The following INO80 variants were observed in gnomAD, a reference collection of about 807,000 sequenced individuals.
INO80 encodes INO80 complex ATPase subunit.
In INO80, 20 loss-of-function variants were observed where a neutral mutation model predicts 203.4. That is an observed-to-expected ratio of 0.10 (90% confidence interval 0.07 to 0.14). INO80 has a LOEUF of 0.14. Among genes scored for constraint, INO80 ranks in the 10% least tolerant of loss-of-function variants. INO80 has a pLI of 1.00. For missense variants in INO80, 1,419 were observed against 1,914.4 expected, an observed-to-expected ratio of 0.74 and a Z score of 4.83; for synonymous variants, 726 against 685.2, an observed-to-expected ratio of 1.06 and a Z score of -0.93.
chr15:40,992,463 A>T (rs2043828801), intron 29 of INO80, among the ~76,000 whole-genome samples: 1 of 151,956 alleles, frequency 6.6e-6, no homozygotes, highest in African/African-American at 2.4e-5. Context: ...TTATAAATAC[A>T]TTTTTACATA....
At chr15:41,087,132 GA>G (rs552677570) in intron 6 of INO80, among the ~76,000 whole-genome samples, 2,673 of 139,904 alleles carry the variant, frequency 0.019, 34 homozygotes, top group Non-Finnish European at 0.028. Flanking sequence ...AAATATTCAG[GA>G]AAAAAAAAAA....
intron 33 of INO80, 41 bp from the exon 34 acceptor site, chr15:40,983,962 T>G (rs1596231383): frequency 6.3e-7 from 1 of 1,598,814 alleles, no homozygotes; most frequent in Non-Finnish European, 8.6e-7. Context: ...CCCCCTGTGC[T>G]CACCGCCCAT....
chr15:41,049,412 A>G lies in INO80; in HGVS notation c.2451T>C (p.Asn817=). The change falls in exon 21 of 36, where the codon AAT becomes AAC. Residue 817 remains asparagine, a synonymous_variant. Transcript: ENST00000648947. ...CTTGCCGTTCAAATAACTCCGGGTG[A>G]TTACACACCTAAAAGGAAGGGAAAT... ...NLVMQFRKVC[N]HPELFERQET... is the part of the protein sequence containing the mutation. 6.2e-7 allele frequency: 1 copy of G among 1,614,024 alleles called. No homozygotes were observed. The highest frequency in any genetic ancestry group is 8.5e-7 in the Non-Finnish European group (1 of 1,179,904).
At chr15:41,050,370 A>G (rs2044848935) in intron 19 of INO80, among the ~76,000 whole-genome samples, 1 of 152,356 alleles carries the variant, frequency 6.6e-6, no homozygotes, top group East Asian at 1.9e-4. Flanking sequence ...CATCACAGTA[A>G]CATACAAAAG....
chr15:41,095,846 G>T lies in INO80; in HGVS notation c.226C>A (p.Pro76Thr), dbSNP rs377652711. 10 of 1,613,860 alleles carry T rather than the reference G, an allele frequency of 6.2e-6. No homozygotes were observed. The highest frequency in any genetic ancestry group is 8.5e-6 in the Non-Finnish European group (10 of 1,179,898). ...GTTTCACCAAGCAATGAATTTGGAG[G>T]TTCTTCCTTAACTTGTATTAAGGGA... ...GDPLIQVKEE[P>T]PNSLLGETSG... Residue 76 changes from proline to threonine, a missense_variant, in exon 3 of 36, where the codon CCT (proline) becomes ACT (threonine). By Grantham distance (38) the Pro-to-Thr change is conservative. Coordinates refer to ENST00000648947, the MANE Select transcript of INO80 (RefSeq NM_017553.3).
intron 29 of INO80, among the ~76,000 whole-genome samples, chr15:40,988,823 T>C (rs1227059313): frequency 6.6e-6 from 1 of 152,248 alleles, no homozygotes; most frequent in African/African-American, 2.4e-5. Context: ...GAGACCAGCC[T>C]GGCTAACATG....
Position 41,092,309 on chromosome 15 carries a change from ATGACATGCTT to A in INO80, c.382-137_382-128del, listed in dbSNP as rs1270589844. 5.1e-6 allele frequency: 3 copies of A among 590,154 alleles called. No individual in the cohort carries two copies. In the Admixed American group the frequency reaches 9.5e-5, roughly 19 times the overall value. The allele number at this position is 590,154 out of a possible 1,614,324, so 36.6% of individuals were successfully genotyped here. A position where few individuals can be genotyped will look rare whatever the true frequency, so the allele number is the denominator to read the frequency against. ...AAAGATAGTCACTCCAGTTCCCCTT[ATGACATGCTT>A]TATAAATTCAACTGAAAAACATTAA... is the stretch of plus-strand genomic sequence containing the variant. On this transcript the variant is annotated intron_variant, in intron 4 of 35. Transcript: ENST00000648947.
intron 12 of INO80, among the ~76,000 whole-genome samples, chr15:41,071,165 T>A (rs900484965): frequency 6.6e-6 from 1 of 152,318 alleles, no homozygotes; most frequent in South Asian, 2.1e-4. Context: ...TAAGATCCTG[T>A]CTCAAAAAGA....
chr15:41,098,409 T>C (rs2045756633), intron 1 of INO80, among the ~76,000 whole-genome samples: 1 of 152,178 alleles, frequency 6.6e-6, no homozygotes, highest in South Asian at 2.1e-4. Context: ...GCACAGTGGC[T>C]CATGCCTGTA....
intron 25 of INO80, among the ~76,000 whole-genome samples, chr15:41,026,664 A>C (rs2044379744): frequency 6.6e-6 from 1 of 152,188 alleles, no homozygotes; most frequent in African/African-American, 2.4e-5. Context: ...AAGAAATGTC[A>C]ACCTCTTAGA....
chr15:41,007,643 G>A (rs546160539), intron 27 of INO80, among the ~76,000 whole-genome samples: 1 of 151,838 alleles, frequency 6.6e-6, no homozygotes, highest in Admixed American at 6.6e-5. Flanking sequence ...TAGAGAGCCT[G>A]TTACTGAGGC....
chr15:41,070,012 C>T (rs925150667), intron 13 of INO80, among the ~76,000 whole-genome samples: 5 of 151,886 alleles, frequency 3.3e-5, no homozygotes, highest in Admixed American at 2.0e-4. Flanking sequence ...GCTTTTTTTT[C>T]AGTTTTACGC....
intron 18 of INO80, among the ~76,000 whole-genome samples, chr15:41,054,804 A>T (rs962110887): frequency 6.6e-6 from 1 of 151,988 alleles, no homozygotes; most frequent in Admixed American, 6.6e-5. Context: ...ATGCCCGGCT[A>T]ATTTTTGCGT....
At chr15:41,079,670 G>A in intron 9 of INO80, 31 bp downstream of exon 9, 1 of 1,594,258 alleles carries the variant, frequency 6.3e-7, no homozygotes, top group Non-Finnish European at 8.6e-7. Flanking sequence ...GTAGTAATTA[G>A]GGTTTTCAAA....
At chr15:41,091,599 T>TA (rs2045643134) in intron 5 of INO80, among the ~76,000 whole-genome samples, 1 of 151,802 alleles carries the variant, frequency 6.6e-6, no homozygotes, top group African/African-American at 2.4e-5. Context: ...AGCTCCCACT[T>TA]ACACTCACTA....
Position 41,071,924 on chromosome 15 carries a change from C to T in INO80, c.1530G>A (p.Gln510=), listed in dbSNP as rs2045324579. 1.9e-6 allele frequency: 3 copies of T among 1,613,936 alleles called. No homozygotes were observed. Among genetic ancestry groups the T allele is most frequent in the South Asian group, 1.1e-5 (1 of 91,078 alleles). ...PSIRAGEDIP[Q]PTIFNGKLKG... is the part of the protein sequence containing the mutation. Reference sequence around the variant, plus strand: ...TCAATTTGCCATTAAAAATTGTGGGCTGTGGAATATCCTCACCAGCCCGGA... The same window carrying T: ...TCAATTTGCCATTAAAAATTGTGGGTTGTGGAATATCCTCACCAGCCCGGA... The change falls in exon 12 of 36, where the codon CAG becomes CAA. Residue 510 remains glutamine (Q), a synonymous_variant. Coordinates refer to ENST00000648947, the MANE Select transcript of INO80 (RefSeq NM_017553.3).
In INO80 at chr15:41,053,935, A is replaced by G. The variant is rs560237261; in HGVS notation, c.2268T>C (p.Ser756=). 1 of 1,613,022 alleles carries G rather than the reference A, an allele frequency of 6.2e-7. No homozygotes were observed. Among genetic ancestry groups the G allele is most frequent in the East Asian group, 2.2e-5 (1 of 44,830 alleles). ...TGAGGTCTTCTTTACTTACCTTGTCAGATAATTCATTTTCCACATCTTTCT... is the reference window on the plus strand; with the variant it reads ...TGAGGTCTTCTTTACTTACCTTGTCGGATAATTCATTTTCCACATCTTTCT... ...RIKKDVENEL[S]DKIEILMYCQ... Residue 756 remains serine, a synonymous_variant, in exon 19 of 36, where the codon TCT becomes TCC. Coordinates refer to ENST00000648947, the MANE Select transcript of INO80 (RefSeq NM_017553.3).
At chr15:41,031,526 A>G (rs1596274486) in intron 24 of INO80, among the ~76,000 whole-genome samples, 1 of 27,226 alleles carries the variant, frequency 3.7e-5, no homozygotes, top group South Asian at 1.9e-3. Flanking sequence ...GGAAGGGAGG[A>G]AGGAGAAGGG....
At position 41,102,756 on chromosome 15, in the gene INO80, A is replaced by T. The variant is rs539700408; in HGVS notation, c.-43-6403T>A. Reference sequence around the variant, plus strand: ...ACAGTTGAGAACCATGCTCTCTGATAACCACTGTTTATCAGAATGAATGAA... The same window carrying T: ...ACAGTTGAGAACCATGCTCTCTGATTACCACTGTTTATCAGAATGAATGAA... On this transcript the variant is annotated intron_variant, in intron 1 of 35. Coordinates refer to ENST00000648947, the MANE Select transcript of INO80 (RefSeq NM_017553.3). 2.1e-4 allele frequency among the ~76,000 whole-genome samples: 32 copies of T among 152,290 alleles called. 1 individual carries two copies. The highest frequency in any genetic ancestry group is 7.5e-4 in the African/African-American group (31 of 41,568).
Sources: gnomAD v4.1 joint callset for allele counts (sites outside exome capture counted in the v4.1 genomes callset) on GRCh38, gnomAD v4.1.1 for gene constraint, MANE v1.5 for transcripts, NCBI Gene and HGNC (gene_info 2026-07-23, HGNC 2026-07-21) for gene names.